Variants in SFI1 observed in about 807,000 individuals in gnomAD.
SFI1 encodes the protein SFI1 centrin binding protein, also known as protein SFI1 homolog.
Under a neutral mutation model 207.5 loss-of-function variants are expected in SFI1, and 195 were observed. That is an observed-to-expected ratio of 0.94 (90% confidence interval 0.84 to 1.06). SFI1 has a LOEUF of 1.06. Ranked by LOEUF, SFI1 falls within the 50% of genes least tolerant of loss-of-function variation. The probability of loss-of-function intolerance (pLI) is 0.00; values close to 1 mark genes in which losing one functional copy is unlikely to be tolerated. For synonymous variants in SFI1, 630 were observed against 598.9 expected, an observed-to-expected ratio of 1.05 and a Z score of -0.76; for missense variants, 1,634 against 1,588.0, an observed-to-expected ratio of 1.03 and a Z score of -0.49.
chr22:31,616,883 T>A lies in SFI1; in HGVS notation c.3433+6T>A. The A allele has an allele frequency of 6.2e-7, 1 of 1,609,762 alleles. No homozygotes were observed. The highest frequency in any genetic ancestry group is 8.5e-7 in the Non-Finnish European group (1 of 1,177,746). Reference sequence around the variant, plus strand: ...GCCTGGACTTTCAACTGCAGGTGTGTACCTGGGGCCTGTCAGGGCAGAAAG... The same window carrying A: ...GCCTGGACTTTCAACTGCAGGTGTGAACCTGGGGCCTGTCAGGGCAGAAAG... On this transcript the variant is annotated splice_donor_region_variant and intron_variant, in intron 30 of 32. Coordinates refer to ENST00000400288, the MANE Select transcript of SFI1 (RefSeq NM_001007467.3).
intron 24 of SFI1, 175 bp downstream of exon 24, chr22:31,612,015 C>A: frequency 7.1e-7 from 1 of 1,409,006 alleles, no homozygotes. Flanking sequence ...CAGCTTCCTT[C>A]CGTCTGCAGT....
Position 31,604,862 on chromosome 22 carries a change from C to T in SFI1, c.1978-7C>T, listed in dbSNP as rs2147079706. ...AGAGCAGCCTCAGTCTTCCTTGTCC[C>T]CTACAGACTTACCAGGGCAGGGTGC... On this transcript the variant is annotated splice_polypyrimidine_tract_variant and splice_region_variant and intron_variant, in intron 19 of 32. Coordinates refer to ENST00000400288, the MANE Select transcript of SFI1 (RefSeq NM_001007467.3). The T allele has an allele frequency of 3.1e-6, 5 of 1,611,300 alleles. No homozygotes were observed. Among genetic ancestry groups the T allele is most frequent in the Admixed American group, 3.4e-5 (2 of 59,700 alleles).
intron 8 of SFI1, among the ~76,000 whole-genome samples, chr22:31,561,684 T>C (rs906676333): frequency 2.0e-5 from 3 of 152,224 alleles, no homozygotes; most frequent in Admixed American, 2.0e-4. Flanking sequence ...CAGTATACTC[T>C]GATTTCCTCG....
intron 6 of SFI1, among the ~76,000 whole-genome samples, chr22:31,552,691 G>A (rs1019719520): frequency 3.9e-5 from 6 of 152,112 alleles, no homozygotes; most frequent in Non-Finnish European, 7.4e-5. Context: ...GTAGATTCCC[G>A]CTAGTGGGAT....
intron 7 of SFI1, among the ~76,000 whole-genome samples, chr22:31,560,216 T>G (rs922310452): frequency 2.0e-5 from 3 of 151,868 alleles, no homozygotes; most frequent in Non-Finnish European, 4.4e-5. Flanking sequence ...TAAACTCTTA[T>G]TTCCCCATGA....
At chr22:31,582,226 ATATATATATATTTTTTTTT>A (rs1569377261) in intron 12 of SFI1, among the ~76,000 whole-genome samples, 11 of 34,230 alleles carry the variant, frequency 3.2e-4, no homozygotes, top group South Asian at 3.0e-3. Flanking sequence ...ATATATATAT[ATATATATATATTTTTTTTT>A]TTTTTTTTTT....
chr22:31,565,277 C>A (rs1336027631), intron 8 of SFI1, among the ~76,000 whole-genome samples: 1 of 151,982 alleles, frequency 6.6e-6, no homozygotes, highest in Non-Finnish European at 1.5e-5. Context: ...AATATGTGCA[C>A]ATATCTGTAA....
At chr22:31,552,268 T>A (rs1002681132) in intron 6 of SFI1, among the ~76,000 whole-genome samples, 4 of 152,084 alleles carry the variant, frequency 2.6e-5, no homozygotes, top group Non-Finnish European at 5.9e-5. Context: ...CTTTTTTTTT[T>A]ATTTGAGACT....
intron 29 of SFI1, chr22:31,616,041 C>A (rs2071373976): frequency 6.6e-6 from 1 of 152,130 alleles, no homozygotes; most frequent in Non-Finnish European, 1.5e-5. Context: ...ACCCCAGAGC[C>A]ACTGCGGCCT....
At position 31,611,851 on chromosome 22, in the gene SFI1, A is replaced by C. The variant is rs2070202049; in HGVS notation, c.2490+11A>C. 1.2e-6 allele frequency: 2 copies of C among 1,613,704 alleles called. No homozygotes were observed. The highest frequency in any genetic ancestry group is 1.7e-6 in the Non-Finnish European group (2 of 1,179,850). ...CAGTGGAGACAACAGGTGGGAACCC[A>C]GGAGATGTCCCCTCTGCACTTCCTT... On this transcript the variant is annotated intron_variant, in intron 24 of 32. Transcript: ENST00000400288.
Position 31,614,686 on chromosome 22 carries a change from C to T in SFI1, c.2997-103C>T, listed in dbSNP as rs763582990. The T allele has an allele frequency of 6.3e-5, 87 of 1,386,578 alleles. No individual in the cohort carries two copies. In the African/African-American group the frequency reaches 1.0e-3, roughly 16 times the overall value. The allele number at this position is 1,386,578 out of a possible 1,614,324, so 85.9% of individuals were successfully genotyped here. On this transcript the variant is annotated intron_variant, in intron 27 of 32. Coordinates refer to ENST00000400288, the MANE Select transcript of SFI1 (RefSeq NM_001007467.3). ...CTTGCTGACCTTGGCCTCGCCTTTC[C>T]TGACTTTCAGTCTCCCTATAAAATT...
intron 15 of SFI1, among the ~76,000 whole-genome samples, chr22:31,600,146 C>G (rs1256057473): frequency 2.0e-5 from 3 of 152,056 alleles, no homozygotes; most frequent in Admixed American, 6.5e-5. Context: ...CCTCAGCCTC[C>G]TGAAGTGTTA....
At chr22:31,588,995 T>G (rs959655910) in intron 14 of SFI1, among the ~76,000 whole-genome samples, 9 of 152,202 alleles carry the variant, frequency 5.9e-5, no homozygotes, top group Non-Finnish European at 1.3e-4. Flanking sequence ...CATTAATGTG[T>G]ATGACAAACA....
chr22:31,501,436 C>T (rs1249806611), intron 1 of SFI1, among the ~76,000 whole-genome samples: 2 of 152,132 alleles, frequency 1.3e-5, no homozygotes, highest in Non-Finnish European at 2.9e-5. Context: ...TCCCAAAGTG[C>T]TGGGATTACA....
At chr22:31,497,215 TA>T in intron 1 of SFI1, 1 of 152,210 alleles carries the variant, frequency 6.6e-6, no homozygotes, top group Non-Finnish European at 1.5e-5. Context: ...GGGACTTGAG[TA>T]CAGCCATACC....
intron 2 of SFI1, among the ~76,000 whole-genome samples, chr22:31,511,600 A>G (rs559055845): frequency 2.7e-5 from 4 of 150,570 alleles, no homozygotes; most frequent in South Asian, 2.1e-4. Context: ...GTTTCTTCAA[A>G]TACCCTGCTG....
chr22:31,563,351 G>A (rs577155443), intron 8 of SFI1, among the ~76,000 whole-genome samples: 55 of 152,074 alleles, frequency 3.6e-4, no homozygotes, highest in Non-Finnish European at 7.4e-4. Context: ...AACCTCAGGA[G>A]GGAGATGGAA....
chr22:31,559,548 G>T, intron 7 of SFI1: 1 of 593,782 alleles, frequency 1.7e-6, no homozygotes. Flanking sequence ...ACATCAACGG[G>T]CAGCAGAAAA....
chr22:31,617,064 C>T lies in SFI1; in HGVS notation c.3498C>T (p.Thr1166=). ...AGCAACTACTGCACTACCAGACCAC[C>T]AAGCAGAACCTCTGGTGAGCCCTGC... The part of the protein sequence containing the change: ...IQQQLLHYQT[T]KQNLWSCRRQ... Residue 1166 remains threonine, a synonymous_variant, in exon 31 of 33, where the codon ACC becomes ACT. Coordinates refer to ENST00000400288, the MANE Select transcript of SFI1 (RefSeq NM_001007467.3). 1.9e-6 allele frequency: 3 copies of T among 1,614,036 alleles called. No homozygotes were observed. Among genetic ancestry groups the T allele is most frequent in the Non-Finnish European group, 1.7e-6 (2 of 1,180,018 alleles).
Sources: allele counts gnomAD v4.1 joint callset (sites outside exome capture counted in the v4.1 genomes callset), GRCh38; gene constraint gnomAD v4.1.1; transcripts MANE v1.5; gene names NCBI Gene and HGNC (gene_info 2026-07-23, HGNC 2026-07-21).